The following SCFD2 variants were observed in gnomAD, a reference collection of about 807,000 sequenced individuals.
The protein encoded by SCFD2 is sec1 family domain-containing protein 2.
A neutral mutation model predicts 58.9 loss-of-function variants in SCFD2; 54 were observed. That is an observed-to-expected ratio of 0.92 (90% CI 0.74 to 1.15). The LOEUF (loss-of-function observed/expected upper bound fraction) is 1.15, where lower values mean the gene tolerates loss of function less well. Ranked by LOEUF, SCFD2 falls within the 50% of genes most tolerant of loss-of-function variation. The pLI, the probability that SCFD2 is intolerant of heterozygous loss-of-function variation, is 0.00. For synonymous variants in SCFD2, 321 were observed against 335.9 expected (o/e 0.96, Z 0.49); for missense variants, 805 against 836.6 (o/e 0.96, Z 0.47).
chr4:52,946,118 CATAGAAA>C (rs1411628554), intron 5 of SCFD2, among the ~76,000 whole-genome samples: 1 of 152,128 alleles, frequency 6.6e-6, no homozygotes, highest in Non-Finnish European at 1.5e-5. Flanking sequence ...GCTTCAAAAG[CATAGAAA>C]ATTATCACAG....
chr4:53,181,137 T>C (rs762272369), intron 4 of SCFD2, among the ~76,000 whole-genome samples: 6 of 152,152 alleles, frequency 3.9e-5, no homozygotes, highest in Admixed American at 6.5e-5. Context: ...AAAGAGGGAA[T>C]CCTCCCTAAC....
intron 2 of SCFD2, among the ~76,000 whole-genome samples, chr4:53,314,369 T>A (rs1732793171): frequency 6.6e-6 from 1 of 152,188 alleles, no homozygotes; most frequent in Non-Finnish European, 1.5e-5. Context: ...AATTAACCGT[T>A]GATAACAGCA....
intron 5 of SCFD2, among the ~76,000 whole-genome samples, chr4:53,123,138 T>C (rs1725529407): frequency 6.6e-6 from 1 of 152,152 alleles, no homozygotes. Flanking sequence ...GCATGCTGGA[T>C]ATTTACAGTT....
intron 4 of SCFD2, among the ~76,000 whole-genome samples, chr4:53,247,920 C>G (rs1348383349): frequency 6.6e-6 from 1 of 151,042 alleles, no homozygotes; most frequent in Non-Finnish European, 1.5e-5. Flanking sequence ...GGGGGAGGAG[C>G]CAAGATGGCC....
intron 5 of SCFD2, among the ~76,000 whole-genome samples, chr4:53,056,904 T>G (rs555408091): frequency 6.6e-6 from 1 of 152,006 alleles, no homozygotes; most frequent in East Asian, 1.9e-4. Context: ...ATATCACAGG[T>G]TGGGCACTGT....
At chr4:53,179,118 G>A (rs1235559967) in intron 4 of SCFD2, among the ~76,000 whole-genome samples, 1 of 152,116 alleles carries the variant, frequency 6.6e-6, no homozygotes, top group Non-Finnish European at 1.5e-5. Flanking sequence ...TAGCAAGGCG[G>A]GCCAACATTC....
At chr4:53,262,094 T>C (rs1044274884) in intron 4 of SCFD2, among the ~76,000 whole-genome samples, 1 of 152,194 alleles carries the variant, frequency 6.6e-6, no homozygotes, top group African/African-American at 2.4e-5. Flanking sequence ...TGGTGTCCAT[T>C]TGCATGGAAT....
chr4:52,906,438 C>T (rs1351617188), intron 7 of SCFD2, among the ~76,000 whole-genome samples: 1 of 152,252 alleles, frequency 6.6e-6, no homozygotes, highest in Non-Finnish European at 1.5e-5. Context: ...TAGGGAGACA[C>T]TGGCCAATTC....
At chr4:52,960,999 G>A (rs990054637) in intron 5 of SCFD2, among the ~76,000 whole-genome samples, 5 of 152,216 alleles carry the variant, frequency 3.3e-5, no homozygotes, top group African/African-American at 1.2e-4. Flanking sequence ...AGTGGGACCT[G>A]AGCGGGACCT....
In SCFD2 at chr4:53,192,592, A is replaced by G. The variant is rs1415789748; in HGVS notation, c.1312-47010T>C. 2.0e-5 allele frequency among the ~76,000 whole-genome samples: 3 copies of G among 152,320 alleles called. No homozygotes were observed. In the South Asian group the frequency reaches 6.2e-4, roughly 32 times the overall value. The stretch of plus-strand genomic sequence containing the variant: ...GAACTATTCAATAAATGGCAACGAT[A>G]CAAAAGAAAACCCCACGAATTGCCA... On this transcript the variant is annotated intron_variant, in intron 4 of 8. Transcript: ENST00000401642.
At chr4:52,918,994 C>G (rs1425458468) in intron 6 of SCFD2, among the ~76,000 whole-genome samples, 1 of 152,162 alleles carries the variant, frequency 6.6e-6, no homozygotes, top group African/African-American at 2.4e-5. Flanking sequence ...TGGGAGTGTG[C>G]TGATGTTATT....
chr4:53,097,554 C>T (rs1470923247), intron 5 of SCFD2, among the ~76,000 whole-genome samples: 2 of 152,062 alleles, frequency 1.3e-5, no homozygotes, highest in Non-Finnish European at 2.9e-5. Flanking sequence ...GTGATTTTTG[C>T]ACATTGATTT....
chr4:53,187,412 C>T (rs1727769611), intron 4 of SCFD2, among the ~76,000 whole-genome samples: 1 of 151,816 alleles, frequency 6.6e-6, no homozygotes, highest in Admixed American at 6.6e-5. Flanking sequence ...ATTATACATC[C>T]ATAAAAATCT....
chr4:52,969,201 A>T (rs79681519), intron 5 of SCFD2, among the ~76,000 whole-genome samples: 1 of 152,096 alleles, frequency 6.6e-6, no homozygotes, highest in African/African-American at 2.4e-5. Context: ...CTTGCTTATG[A>T]TGTGTTTGGA....
At chr4:53,342,078 T>C (rs1733895807) in intron 2 of SCFD2, among the ~76,000 whole-genome samples, 1 of 152,182 alleles carries the variant, frequency 6.6e-6, no homozygotes, top group African/African-American at 2.4e-5. Context: ...GCTAACGTCA[T>C]AATGACAGGA....
intron 3 of SCFD2, among the ~76,000 whole-genome samples, chr4:53,305,397 C>G (rs974962610): frequency 6.6e-6 from 1 of 152,054 alleles, no homozygotes; most frequent in African/African-American, 2.4e-5. Context: ...TTTATTGAGA[C>G]TATTCTTTCC....
chr4:53,338,567 A>G (rs1166134302), intron 2 of SCFD2, among the ~76,000 whole-genome samples: 1 of 80,314 alleles, frequency 1.2e-5, no homozygotes, highest in East Asian at 4.0e-4. Flanking sequence ...AGAAAGCAGT[A>G]TATTTTTCTT....
intron 5 of SCFD2, among the ~76,000 whole-genome samples, chr4:53,093,537 G>T (rs557422970): frequency 1.3e-5 from 2 of 152,194 alleles, no homozygotes; most frequent in African/African-American, 4.8e-5. Flanking sequence ...TATCTGGAAG[G>T]CTTCTGTGTA....
chr4:53,295,318 G>A (rs2149090689), intron 3 of SCFD2, among the ~76,000 whole-genome samples: 1 of 152,176 alleles, frequency 6.6e-6, no homozygotes, highest in Admixed American at 6.5e-5. Flanking sequence ...TGATTTCCTT[G>A]AGTCATGGTT....
Sources: allele counts gnomAD v4.1 joint callset (sites outside exome capture counted in the v4.1 genomes callset), GRCh38; gene constraint gnomAD v4.1.1; transcripts MANE v1.5; gene names NCBI Gene and HGNC (gene_info 2026-07-23, HGNC 2026-07-21).